The following SDK1 variants were observed in gnomAD, a reference collection of about 807,000 sequenced individuals.
SDK1 encodes the protein protein sidekick-1.
SDK1 carries 157 observed loss-of-function variants against 245.5 expected under a neutral mutation model. That is an observed-to-expected ratio of 0.64 (90% CI 0.56 to 0.73). The LOEUF is 0.73. Among genes scored for constraint, SDK1 ranks in the 30% least tolerant of loss-of-function variants. The pLI is 0.00. For missense variants in SDK1, 3,583 were observed against 3,002.3 expected (o/e 1.19, Z -4.52); for synonymous variants, 1,647 against 1,278.5 (o/e 1.29, Z -6.15).
chr7:3,529,232 A>G (rs1195118930), intron 1 of SDK1, among the ~76,000 whole-genome samples: 1 of 152,174 alleles, frequency 6.6e-6, no homozygotes. Context: ...ACACACCCAG[A>G]AGGCCTAGGA....
At chr7:3,327,250 A>G (rs1300113519) in intron 1 of SDK1, among the ~76,000 whole-genome samples, 1 of 152,164 alleles carries the variant, frequency 6.6e-6, no homozygotes, top group Non-Finnish European at 1.5e-5. Flanking sequence ...TCTTCAGTTT[A>G]GAGAAGACAG....
At chr7:3,793,774 T>C (rs1778883383) in intron 4 of SDK1, among the ~76,000 whole-genome samples, 3 of 152,064 alleles carry the variant, frequency 2.0e-5, no homozygotes, top group African/African-American at 7.2e-5. Flanking sequence ...GTGTGGTTAT[T>C]CTGGCATCAC....
At chr7:3,961,405 C>T (rs549413004) in intron 8 of SDK1, among the ~76,000 whole-genome samples, 219 of 152,248 alleles carry the variant, frequency 1.4e-3, no homozygotes, top group South Asian at 2.9e-3. Context: ...TTATTAAAGT[C>T]GACATCTCAC....
At chr7:3,890,009 G>GT in intron 5 of SDK1, among the ~76,000 whole-genome samples, 1 of 152,214 alleles carries the variant, frequency 6.6e-6, no homozygotes, top group Middle Eastern at 3.4e-3. Flanking sequence ...CCTCTGACTG[G>GT]TTCAGTGGTC....
chr7:3,458,852 A>T (rs944235378), intron 1 of SDK1, among the ~76,000 whole-genome samples: 2 of 152,116 alleles, frequency 1.3e-5, no homozygotes, highest in Non-Finnish European at 2.9e-5. Flanking sequence ...CACCATTATC[A>T]CCGTATCTTA....
rs1377223720 is a variant in SDK1, at chr7:3,301,615, C to CCGGTGG, written c.33_38dup (p.Gly15_Gly16dup). On this transcript the variant is annotated inframe_insertion, in exon 1 of 45. Coordinates refer to ENST00000404826, the MANE Select transcript of SDK1 (RefSeq NM_152744.4). ...GCCCGGGGCGCCCGGCCCTCGGCGG[C>CCGGTGG]CGGTGGCGGCGGCGGCGGCGCGGAG... 1.5e-5 allele frequency: 15 copies of CCGGTGG among 974,728 alleles called. No individual in the cohort carries two copies. In the South Asian group the frequency reaches 1.9e-4, roughly 12 times the overall value. 60.4% of individuals were successfully genotyped at this position (974,728 alleles called of 1,614,324 possible). A position where few individuals can be genotyped will look rare whatever the true frequency, so the allele number is the denominator to read the frequency against.
chr7:3,592,435 T>C (rs1306595227), intron 1 of SDK1, among the ~76,000 whole-genome samples: 1 of 152,224 alleles, frequency 6.6e-6, no homozygotes, highest in Non-Finnish European at 1.5e-5. Context: ...CTTTAAGTCT[T>C]TTAATAGTCC....
At chr7:3,977,431 G>T (rs1001048834) in intron 13 of SDK1, among the ~76,000 whole-genome samples, 1 of 152,142 alleles carries the variant, frequency 6.6e-6, no homozygotes, top group Admixed American at 6.5e-5. Context: ...CCACACAGAG[G>T]GTCCTCCAGC....
In SDK1 at chr7:4,267,116, GAA is replaced by G. The variant is rs1334409170; in HGVS notation, c.*1735_*1736del. 1 of 985,256 alleles carries G rather than the reference GAA, an allele frequency of 1.0e-6. No individual in the cohort carries two copies. The highest frequency in any genetic ancestry group is 6.2e-5 in the Admixed American group (1 of 16,252). The allele number at this position is 985,256 out of a possible 1,614,324, so 61.0% of individuals were successfully genotyped here. A position where few individuals can be genotyped will look rare whatever the true frequency, so the allele number is the denominator to read the frequency against. On this transcript the variant is annotated 3_prime_UTR_variant, in exon 45 of 45. Coordinates refer to ENST00000404826, the MANE Select transcript of SDK1 (RefSeq NM_152744.4). ...ACCAAGGAGAGTTTTGTATAGGCTGGAAAACCCCTTTTCAGTCTTTCCAAAAT... is the reference window on the plus strand; with the variant it reads ...ACCAAGGAGAGTTTTGTATAGGCTGGAACCCCTTTTCAGTCTTTCCAAAAT...
intron 1 of SDK1, among the ~76,000 whole-genome samples, chr7:3,390,285 T>C (rs1781715648): frequency 6.6e-6 from 1 of 152,182 alleles, no homozygotes; most frequent in Admixed American, 6.5e-5. Context: ...GAGAATCATA[T>C]TTATTCATTT....
intron 4 of SDK1, among the ~76,000 whole-genome samples, chr7:3,663,607 G>T (rs762664887): frequency 6.6e-6 from 1 of 152,128 alleles, no homozygotes; most frequent in Non-Finnish European, 1.5e-5. Flanking sequence ...GACATGCAGG[G>T]TAATCACCTC....
intron 4 of SDK1, among the ~76,000 whole-genome samples, chr7:3,712,377 T>C (rs915541332): frequency 9.0e-4 from 137 of 152,296 alleles, no homozygotes; most frequent in Non-Finnish European, 1.8e-4. Flanking sequence ...TGGGACTGTC[T>C]AGTTGTAAGA....
intron 35 of SDK1, among the ~76,000 whole-genome samples, chr7:4,203,724 G>A (rs188338427): frequency 3.3e-5 from 5 of 152,326 alleles, no homozygotes; most frequent in Non-Finnish European, 4.4e-5. Flanking sequence ...TCCTGTCAGG[G>A]TGGAGACCCA....
intron 14 of SDK1, among the ~76,000 whole-genome samples, chr7:3,993,901 C>T (rs1784522580): frequency 6.6e-6 from 1 of 152,210 alleles, no homozygotes; most frequent in South Asian, 2.1e-4. Context: ...TCCACTGAGT[C>T]CACATCCCCT....
chr7:3,619,576 G>A (rs933142050), intron 2 of SDK1, among the ~76,000 whole-genome samples: 1 of 152,154 alleles, frequency 6.6e-6, no homozygotes, highest in African/African-American at 2.4e-5. Context: ...CACAAGTATT[G>A]CTCCTGTCTA....
At chr7:4,043,521 C>T (rs553590010) in intron 17 of SDK1, among the ~76,000 whole-genome samples, 4 of 152,156 alleles carry the variant, frequency 2.6e-5, no homozygotes, top group Middle Eastern at 3.2e-3. Context: ...TTAGGTAGCC[C>T]ACATAATGAG....
intron 4 of SDK1, among the ~76,000 whole-genome samples, chr7:3,771,558 C>T (rs1252370135): frequency 6.6e-6 from 1 of 152,162 alleles, no homozygotes; most frequent in East Asian, 1.9e-4. Context: ...CAGGGACTGA[C>T]ATCTGAGTCA....
chr7:3,425,889 C>T (rs2128582356), intron 1 of SDK1, among the ~76,000 whole-genome samples: 1 of 152,142 alleles, frequency 6.6e-6, no homozygotes. Context: ...AGATAAGAGA[C>T]AATAGGAGCC....
chr7:3,662,743 C>T (rs570021407), intron 4 of SDK1, among the ~76,000 whole-genome samples: 1 of 152,246 alleles, frequency 6.6e-6, no homozygotes, highest in East Asian at 1.9e-4. Context: ...TTGAGCATCC[C>T]ACATCTGAAA....
Sources: allele counts gnomAD v4.1 joint callset (sites outside exome capture counted in the v4.1 genomes callset), GRCh38; gene constraint gnomAD v4.1.1; transcripts MANE v1.5; gene names NCBI Gene and HGNC (gene_info 2026-07-23, HGNC 2026-07-21).